TOLLIP: variants seen among roughly 807,000 people sequenced by gnomAD.
TOLLIP encodes toll-interacting protein.
A neutral mutation model predicts 33.5 loss-of-function variants in TOLLIP; 16 were observed. The observed-to-expected ratio is 0.48, with a 90% CI of 0.32 to 0.72. TOLLIP has a LOEUF of 0.72. TOLLIP is among the 30% of genes least tolerant of loss of function. The pLI, the probability that TOLLIP is intolerant of heterozygous loss-of-function variation, is 0.03. For synonymous variants in TOLLIP, 176 were observed against 163.7 expected (o/e 1.07, Z -0.57); for missense variants, 325 against 396.6 (o/e 0.82, Z 1.53).
chr11:1,307,166 C>T lies in TOLLIP; in HGVS notation c.33+2300G>A, dbSNP rs145505029. On this transcript the variant is annotated intron_variant, in intron 1 of 5. Transcript: ENST00000317204. ...CTGGTTGATTAAGTCACATGTACTC[C>T]AAGCAACACCTGAGACCCCCGTCGC... 6.2e-4 allele frequency among the ~76,000 whole-genome samples: 94 copies of T among 152,312 alleles called. 1 individual carries two copies. In the East Asian group the frequency reaches 0.016, roughly 26 times the overall value.
At chr11:1,294,090 T>C (rs1338916387) in intron 2 of TOLLIP, among the ~76,000 whole-genome samples, 1 of 152,076 alleles carries the variant, frequency 6.6e-6, no homozygotes, top group Non-Finnish European at 1.5e-5. Flanking sequence ...CTCCTTTCCC[T>C]GCATTTCTAC....
At position 1,277,021 on chromosome 11, in the gene TOLLIP, G is replaced by T. The variant is rs192753547; in HGVS notation, c.*18C>A. On this transcript the variant is annotated 3_prime_UTR_variant, in exon 6 of 6. Coordinates refer to ENST00000317204, the MANE Select transcript of TOLLIP (RefSeq NM_019009.4). This position sits in a 1 kb window ranked among gnomAD's most constrained non-coding sequence, Gnocchi z 4.2. ...CGTGTCCAAAGAGCGGGGGCAAAACGGCATCGAGGCAGAGGCTCTATGGCT... is the reference window on the plus strand; with the variant it reads ...CGTGTCCAAAGAGCGGGGGCAAAACTGCATCGAGGCAGAGGCTCTATGGCT... 772 of 1,609,608 alleles carry T rather than the reference G, an allele frequency of 4.8e-4. 4 individuals are homozygous for T. The African/African-American group carries it at 7.7e-3, about 16-fold the overall frequency.
chr11:1,277,224 C>T lies in TOLLIP; in HGVS notation c.640G>A (p.Val214Met). The change falls in exon 6 of 6, where the codon GTG becomes ATG. Residue 214 changes from valine (V) to methionine (M), a missense_variant. By Grantham distance (21) the Val-to-Met change is conservative. Coordinates refer to ENST00000317204, the MANE Select transcript of TOLLIP (RefSeq NM_019009.4). The surrounding 1 kb of genome is among the most constrained non-coding windows in gnomAD (Gnocchi z 4.2). ...GCGGCCGGGGGCAGGGCCACGGGCA[C>T]CATGCCGGGGCTACAGACAGCGGGC... is the stretch of plus-strand genomic sequence containing the variant. ...GMPAVCSPGM[V>M]PVALPPAAVN... 1 of 1,583,456 alleles carries T rather than the reference C, an allele frequency of 6.3e-7. No homozygotes were observed. The highest frequency in any genetic ancestry group is 2.3e-5 in the East Asian group (1 of 44,176).
chr11:1,293,928 C>A (rs1161371101), intron 2 of TOLLIP, among the ~76,000 whole-genome samples: 1 of 152,252 alleles, frequency 6.6e-6, no homozygotes, highest in East Asian at 1.9e-4. Context: ...AAGCAAGGGT[C>A]TGAGACACGC....
chr11:1,276,540 G>T lies in TOLLIP; in HGVS notation c.*499C>A. 1 of 636,858 alleles carries T rather than the reference G, an allele frequency of 1.6e-6. No individual in the cohort carries two copies. Among genetic ancestry groups the T allele is most frequent in the Non-Finnish European group, 2.4e-6 (1 of 422,336 alleles). 39.5% of individuals were successfully genotyped at this position (636,858 alleles called of 1,614,324 possible). A position where few individuals can be genotyped will look rare whatever the true frequency, so the allele number is the denominator to read the frequency against. ...CACCAGACCCAAGCCCTGGGCAGGG[G>T]CCAGGCTCACAGCAAAGCGCGTTAG... On this transcript the variant is annotated 3_prime_UTR_variant, in exon 6 of 6. Coordinates refer to ENST00000317204, the MANE Select transcript of TOLLIP (RefSeq NM_019009.4).
intron 2 of TOLLIP, among the ~76,000 whole-genome samples, chr11:1,291,542 C>T (rs1358249332): frequency 1.8e-4 from 27 of 150,102 alleles, no homozygotes; most frequent in Admixed American, 1.1e-3. Flanking sequence ...CCCGAAGGCA[C>T]GGCCACCCCA....
intron 2 of TOLLIP, 107 bp downstream of exon 2, chr11:1,295,538 G>T: frequency 7.5e-7 from 1 of 1,327,356 alleles, no homozygotes; most frequent in Non-Finnish European, 1.0e-6. Context: ...GGAATCAGAA[G>T]TTCTGTTTGC....
intron 2 of TOLLIP, among the ~76,000 whole-genome samples, chr11:1,295,054 A>G (rs113979255): frequency 0.05 from 5,756 of 114,738 alleles, 359 homozygotes; most frequent in African/African-American, 0.17. Context: ...CGTGGCTCAC[A>G]GTGTGTCTCC....
At position 1,309,552 on chromosome 11, in the gene TOLLIP, C is replaced by T. The variant is rs1864532603; in HGVS notation, c.-54G>A. ...GACCCGACAGTGACGCGCCGGGCGA[C>T]CTCCTGCGCCCCCGCCGGAGCCTGC... is the stretch of plus-strand genomic sequence containing the variant. On this transcript the variant is annotated 5_prime_UTR_variant, in exon 1 of 6. Coordinates refer to ENST00000317204, the MANE Select transcript of TOLLIP (RefSeq NM_019009.4). 1 of 1,156,558 alleles carries T rather than the reference C, an allele frequency of 8.6e-7. No individual in the cohort carries two copies. The highest frequency in any genetic ancestry group is 3.5e-5 in the East Asian group (1 of 28,438). The allele number at this position is 1,156,558 out of a possible 1,614,324, so 71.6% of individuals were successfully genotyped here.
intron 1 of TOLLIP, among the ~76,000 whole-genome samples, chr11:1,308,715 G>C (rs550570832): frequency 6.6e-6 from 1 of 152,378 alleles, no homozygotes; most frequent in African/African-American, 2.4e-5. Flanking sequence ...CTGAGGTTTT[G>C]CACGGTGGCC....
At chr11:1,295,854 C>T in intron 1 of TOLLIP, 60 bp from the exon 2 acceptor site, 1 of 1,492,848 alleles carries the variant, frequency 6.7e-7, no homozygotes, top group Admixed American at 2.2e-5. Flanking sequence ...AGCAGCCCGA[C>T]AGCAGCTGCC....
chr11:1,281,751 C>T (rs936653926), intron 5 of TOLLIP, among the ~76,000 whole-genome samples: 2 of 152,274 alleles, frequency 1.3e-5, no homozygotes, highest in Admixed American at 6.5e-5. Flanking sequence ...GCAGAGCACG[C>T]GGCACAGGCT....
chr11:1,286,388 G>T (rs950066116), intron 4 of TOLLIP, among the ~76,000 whole-genome samples: 4 of 152,224 alleles, frequency 2.6e-5, no homozygotes, highest in African/African-American at 9.7e-5. Flanking sequence ...TCCCAGTGTA[G>T]GTGTCGAGTC....
chr11:1,305,415 C>G (rs757740465), intron 1 of TOLLIP, among the ~76,000 whole-genome samples: 9 of 152,172 alleles, frequency 5.9e-5, no homozygotes, highest in Admixed American at 4.6e-4. Context: ...CTTCACAACA[C>G]TCAGGGGAGA....
At chr11:1,304,737 C>T (rs909016882) in intron 1 of TOLLIP, among the ~76,000 whole-genome samples, 4 of 152,112 alleles carry the variant, frequency 2.6e-5, no homozygotes. Context: ...TGTGTATGTA[C>T]TTGAGATAAA....
intron 2 of TOLLIP, chr11:1,291,887 C>T (rs1590219331): frequency 6.3e-6 from 1 of 158,508 alleles, no homozygotes; most frequent in Non-Finnish European, 1.4e-5. Flanking sequence ...CCCGTCCACG[C>T]CAACCCTCGC....
intron 1 of TOLLIP, among the ~76,000 whole-genome samples, chr11:1,302,047 T>C (rs900766704): frequency 1.3e-5 from 2 of 152,218 alleles, no homozygotes; most frequent in African/African-American, 4.8e-5. Context: ...CCCTGCTGTG[T>C]CTGAGGGGCT....
chr11:1,295,836 G>C, intron 1 of TOLLIP, 42 bp from the exon 2 acceptor site: 4 of 1,514,022 alleles, frequency 2.6e-6, no homozygotes, highest in Non-Finnish European at 3.6e-6. Flanking sequence ...GTCAGGGTGG[G>C]GGCACAAAGC....
Position 1,295,712 on chromosome 11 carries a change from G to T in TOLLIP, c.116C>A (p.Ala39Glu). 4 of 1,610,974 alleles carry T rather than the reference G, an allele frequency of 2.5e-6. No individual in the cohort carries two copies. The highest frequency in any genetic ancestry group is 3.4e-6 in the Non-Finnish European group (4 of 1,178,924). ...QQRQVQLDAQAAQQLQYGGAV... is the reference protein window; with the variant it reads ...QQRQVQLDAQEAQQLQYGGAV... ...GCCTCCGTACTGCAGCTGCTGGGCC[G>T]CCTGGGCGTCCAGCTGGACCTGCCG... is the stretch of plus-strand genomic sequence containing the variant. The change falls in exon 2 of 6, where the codon GCG (alanine) becomes GAG (glutamate). Residue 39 changes from alanine to glutamate, a missense_variant. Physicochemically the swap from Ala to Glu is moderately radical, Grantham distance 107. Coordinates refer to ENST00000317204, the MANE Select transcript of TOLLIP (RefSeq NM_019009.4).
Sources: gnomAD v4.1 joint callset for allele counts (sites outside exome capture counted in the v4.1 genomes callset) on GRCh38, gnomAD v4.1.1 for gene constraint, Gnocchi (gnomAD v3.1) non-coding constraint, MANE v1.5 for transcripts, NCBI Gene and HGNC (gene_info 2026-07-23, HGNC 2026-07-21) for gene names.